TTC19: variants seen among roughly 807,000 people sequenced by gnomAD.
The protein encoded by TTC19 is tetratricopeptide repeat protein 19, mitochondrial.
Under a neutral mutation model 49.5 loss-of-function variants are expected in TTC19, and 38 were observed. The ratio of observed to expected loss-of-function variants is 0.77; its 90% CI spans 0.59 to 1.01. The LOEUF (loss-of-function observed/expected upper bound fraction) is 1.01, where lower values mean the gene tolerates loss of function less well. TTC19 is among the 50% of genes least tolerant of loss of function. The pLI, the probability that TTC19 is intolerant of heterozygous loss-of-function variation, is 0.00. For synonymous variants in TTC19, 204 were observed against 185.2 expected, an observed-to-expected ratio of 1.10 and a Z score of -0.83; for missense variants, 475 against 477.7, an observed-to-expected ratio of 0.99 and a Z score of 0.05.
At chr17:16,023,785 C>T (rs955260069) in intron 7 of TTC19, 3 of 152,160 alleles carry the variant, frequency 2.0e-5, no homozygotes, top group Non-Finnish European at 2.9e-5. Flanking sequence ...GATATAGAAG[C>T]AAGCTGCACT....
intron 2 of TTC19, among the ~76,000 whole-genome samples, chr17:16,037,949 A>G (rs2056756551): frequency 6.6e-6 from 1 of 152,208 alleles, no homozygotes; most frequent in Non-Finnish European, 1.5e-5. Context: ...TTCCTATACA[A>G]CCAGTACAAT....
At chr17:16,002,271 T>G (rs943800400) in intron 3 of TTC19, among the ~76,000 whole-genome samples, 1 of 152,158 alleles carries the variant, frequency 6.6e-6, no homozygotes, top group Non-Finnish European at 1.5e-5. Context: ...CTCCGCCTCA[T>G]GAGTTCAGAC....
rs139957359 is a variant in TTC19, at chr17:16,004,219, G to A, written c.538G>A (p.Glu180Lys). The change falls in exon 6 of 10, where the codon GAA (glutamate) becomes AAA (lysine). Residue 180 changes from glutamate (E) to lysine (K), a missense_variant. Transcript: ENST00000261647. ...GMKQEDNAII[E>K]ISLKLASIYA... Reference sequence around the variant, plus strand: ...CTCACAGGAGGACAATGCAATAATTGAAATTTCCCTAAAGCTGGCCAGTAT... The same window carrying A: ...CTCACAGGAGGACAATGCAATAATTAAAATTTCCCTAAAGCTGGCCAGTAT... 4 of 1,614,174 alleles carry A rather than the reference G, an allele frequency of 2.5e-6. No homozygotes were observed. Among genetic ancestry groups the A allele is most frequent in the Admixed American group, 3.3e-5 (2 of 60,024 alleles).
In TTC19 at chr17:16,000,208, C is replaced by T. The variant is rs1310373548; in HGVS notation, c.275C>T (p.Ala92Val). ...GCTGCCGAGGACGGGGCGGACGAGGCCGAGGCAGAGATCATCCAGCTGCTG... is the reference window on the plus strand; with the variant it reads ...GCTGCCGAGGACGGGGCGGACGAGGTCGAGGCAGAGATCATCCAGCTGCTG... ...GAAAEDGADE[A>V]EAEIIQLLKR... is the part of the protein sequence containing the mutation. The change falls in exon 2 of 10, where the codon GCC becomes GTC. Residue 92 changes from alanine to valine, a missense_variant. Ala to Val is a moderately conservative substitution (Grantham distance 64). Transcript: ENST00000261647. The T allele has an allele frequency of 1.3e-6, 2 of 1,594,754 alleles. No homozygotes were observed. The highest frequency in any genetic ancestry group is 1.7e-6 in the Non-Finnish European group (2 of 1,178,984).
chr17:16,002,653 G>A (rs2151646122), intron 3 of TTC19, 140 bp from the exon 4 acceptor site: 1 of 771,152 alleles, frequency 1.3e-6, no homozygotes, highest in South Asian at 1.4e-5. Flanking sequence ...GCTTCTTCTT[G>A]CAGATTAATT....
At position 16,000,580 on chromosome 17, in the gene TTC19, T is replaced by C. The variant is rs1567575682; in HGVS notation, c.312+335T>C. The C allele has an allele frequency of 6.7e-5, 24 of 356,882 alleles. 1 individual carries two copies. The South Asian group carries it at 1.2e-3, about 17-fold the overall frequency. 22.1% of individuals were successfully genotyped at this position (356,882 alleles called of 1,614,324 possible). On this transcript the variant is annotated intron_variant, in intron 2 of 9. Coordinates refer to ENST00000261647, the MANE Select transcript of TTC19 (RefSeq NM_017775.4). ...CTGAAATGACATAATTTCGCACGTATATAGCGGCCTGAAAATGGCAACTTA... is the reference window on the plus strand; with the variant it reads ...CTGAAATGACATAATTTCGCACGTACATAGCGGCCTGAAAATGGCAACTTA...
At chr17:16,015,507 A>G (rs927984161) in intron 7 of TTC19, among the ~76,000 whole-genome samples, 2 of 152,116 alleles carry the variant, frequency 1.3e-5, no homozygotes, top group Non-Finnish European at 2.9e-5. Flanking sequence ...TTCCTTTTAA[A>G]TTAGTAAAAA....
intron 7 of TTC19, among the ~76,000 whole-genome samples, chr17:16,015,387 C>CT (rs5819556): frequency 0.16 from 24,764 of 151,974 alleles, 4,514 homozygotes; most frequent in African/African-American, 0.45. Flanking sequence ...AATTTTATAA[C>CT]TATTAATTTC....
chr17:16,042,811 A>G (rs1427912756), intron 2 of TTC19, among the ~76,000 whole-genome samples: 1 of 152,192 alleles, frequency 6.6e-6, no homozygotes, highest in Non-Finnish European at 1.5e-5. Flanking sequence ...AATTTTAGAT[A>G]TTTAAGGAGC....
intron 8 of TTC19, 100 bp from the exon 9 acceptor site, chr17:16,026,440 A>G (rs1971563393): frequency 1.8e-6 from 2 of 1,124,278 alleles, no homozygotes; most frequent in African/African-American, 1.6e-5. Flanking sequence ...GAATGCTAGG[A>G]AAGATGAAAT....
chr17:16,024,908 T>C lies in TTC19; in HGVS notation c.677-109T>C, dbSNP rs11078324. The C allele has an allele frequency of 0.045, 44,415 of 982,322 alleles. 2,233 individuals are homozygous for C. The highest frequency in any genetic ancestry group is 0.2 in the African/African-American group (12,824 of 63,072). 60.9% of individuals were successfully genotyped at this position (982,322 alleles called of 1,614,324 possible). Reference sequence around the variant, plus strand: ...ATAGGTCATTTAACTGGATGTTAATTCACCTACATTGTTCCCTAAGTGACA... The same window carrying C: ...ATAGGTCATTTAACTGGATGTTAATCCACCTACATTGTTCCCTAAGTGACA... On this transcript the variant is annotated intron_variant, in intron 7 of 9. Coordinates refer to ENST00000261647, the MANE Select transcript of TTC19 (RefSeq NM_017775.4).
At chr17:16,034,114 G>A (rs574515056), downstream of TTC19, among the ~76,000 whole-genome samples, 12 of 152,278 alleles carry the variant, frequency 7.9e-5, no homozygotes, top group African/African-American at 2.6e-4. Flanking sequence ...AGTGGCATGG[G>A]TACATTCAGG....
chr17:16,029,873 A>AC (rs1400903131), downstream of TTC19: 1 of 152,998 alleles, frequency 6.5e-6, no homozygotes, highest in Non-Finnish European at 1.5e-5. Context: ...AGTGGTTCAC[A>AC]GCACCTCACC....
intron 7 of TTC19, among the ~76,000 whole-genome samples, chr17:16,019,533 G>A (rs73981405): frequency 0.015 from 2,309 of 152,240 alleles, 67 homozygotes; most frequent in African/African-American, 0.054. Context: ...GCTGGGTTGC[G>A]TCTGTCTTTA....
chr17:16,041,842 C>T (rs142141461), intron 2 of TTC19, among the ~76,000 whole-genome samples: 2,539 of 151,548 alleles, frequency 0.017, 48 homozygotes, highest in Non-Finnish European at 0.023. Flanking sequence ...GTTCACGCCA[C>T]TCTCCTGCCT....
chr17:16,039,379 A>C, intron 2 of TTC19: 1 of 1,549,760 alleles, frequency 6.5e-7, no homozygotes, highest in Non-Finnish European at 8.8e-7. Flanking sequence ...TTTGGGAAAT[A>C]AACTGGCTTT....
chr17:16,017,414 A>G (rs376443896), intron 7 of TTC19, among the ~76,000 whole-genome samples: 5 of 142,462 alleles, frequency 3.5e-5, no homozygotes, highest in African/African-American at 1.1e-4. Context: ...GCGCCACTGC[A>G]CTCCAGCCTG....
intron 4 of TTC19, 124 bp downstream of exon 4, chr17:16,002,955 G>C (rs1970787045): frequency 2.2e-6 from 2 of 925,454 alleles, no homozygotes; most frequent in Non-Finnish European, 1.7e-6. Context: ...ACTCAAACAA[G>C]ATAAAAGTGT....
At chr17:16,022,240 C>T (rs528113100) in intron 7 of TTC19, among the ~76,000 whole-genome samples, 1 of 152,316 alleles carries the variant, frequency 6.6e-6, no homozygotes, top group East Asian at 1.9e-4. Flanking sequence ...CACAGACTCT[C>T]CACTTTGGGT....
Sources: allele counts gnomAD v4.1 joint callset (sites outside exome capture counted in the v4.1 genomes callset), GRCh38; gene constraint gnomAD v4.1.1; transcripts MANE v1.5; gene names NCBI Gene and HGNC (gene_info 2026-07-23, HGNC 2026-07-21).